CTNNA2: variants seen among roughly 807,000 people sequenced by gnomAD.
CTNNA2 encodes the protein catenin alpha 2, also known as catenin alpha-2.
In CTNNA2, 42 loss-of-function variants were observed where a neutral mutation model predicts 101.0. The ratio of observed to expected loss-of-function variants is 0.42; its 90% CI spans 0.32 to 0.54. The LOEUF is 0.54. Among genes scored for constraint, CTNNA2 ranks in the 20% least tolerant of loss-of-function variants. The probability of loss-of-function intolerance (pLI) is 0.14; values close to 1 mark genes in which losing one functional copy is unlikely to be tolerated. For missense variants in CTNNA2, 871 were observed against 1,223.1 expected (o/e 0.71, Z 4.29); for synonymous variants, 450 against 456.4 (o/e 0.99, Z 0.18).
intron 2 of CTNNA2, among the ~76,000 whole-genome samples, chr2:79,222,299 C>T (rs1225059335): frequency 2.0e-5 from 3 of 152,222 alleles, no homozygotes; most frequent in African/African-American, 7.2e-5. Flanking sequence ...AGATTTGGCA[C>T]ACAGGTGGCC....
intron 2 of CTNNA2, among the ~76,000 whole-genome samples, chr2:79,728,789 C>T (rs1009030889): frequency 2.0e-5 from 3 of 152,280 alleles, no homozygotes; most frequent in South Asian, 2.1e-4. Context: ...CAGCTTTCTC[C>T]ATATGGCTAG....
chr2:80,586,471 G>C (rs1276391408), intron 14 of CTNNA2: 2 of 152,152 alleles, frequency 1.3e-5, no homozygotes, highest in East Asian at 3.9e-4. Flanking sequence ...TGAGGTCTAA[G>C]TAAAGCATGA....
At chr2:79,422,619 C>T (rs1180242032) in intron 4 of CTNNA2, among the ~76,000 whole-genome samples, 1 of 152,110 alleles carries the variant, frequency 6.6e-6, no homozygotes, top group East Asian at 1.9e-4. Context: ...AAAGGGGGTA[C>T]CATTCCCAGA....
Position 79,758,547 on chromosome 2 carries a change from G to A in CTNNA2, c.298+13965G>A, listed in dbSNP as rs1182036728. 2.6e-5 allele frequency among the ~76,000 whole-genome samples: 4 copies of A among 152,170 alleles called. No homozygotes were observed. In the East Asian group the frequency reaches 5.8e-4, roughly 22 times the overall value. Reference sequence around the variant, plus strand: ...GGGATACAATTAACCCCGTCACCCAGGTAACTGAGCCTAGTACCCAAGTTA... The same window carrying A: ...GGGATACAATTAACCCCGTCACCCAAGTAACTGAGCCTAGTACCCAAGTTA... On this transcript the variant is annotated intron_variant, in intron 3 of 18. Coordinates refer to ENST00000402739, the MANE Select transcript of CTNNA2 (RefSeq NM_001282597.3).
rs763512604 is a variant in CTNNA2 at position 80,419,618 on chromosome 2, C to T, written c.1290+17C>T. ...CTGGTAGAGGTAAGTGTGGAGGGGC[C>T]TGAAGACTAGAGTTTACCGATGGGT... On this transcript the variant is annotated intron_variant, in intron 9 of 18. Transcript: ENST00000402739. 6.2e-7 allele frequency: 1 copy of T among 1,612,616 alleles called. No individual in the cohort carries two copies. Among genetic ancestry groups the T allele is most frequent in the African/African-American group, 1.3e-5 (1 of 74,840 alleles).
chr2:80,430,627 A>C (rs10201249), intron 9 of CTNNA2, among the ~76,000 whole-genome samples: 24,943 of 152,108 alleles, frequency 0.16, 2,890 homozygotes, highest in African/African-American at 0.33. Flanking sequence ...ATTGCTTAGT[A>C]TACTCTCCAA....
chr2:80,626,960 G>A (rs548983984), intron 18 of CTNNA2, among the ~76,000 whole-genome samples: 43 of 152,022 alleles, frequency 2.8e-4, no homozygotes, highest in Admixed American at 1.7e-3. Flanking sequence ...GAGAATGTGC[G>A]GTGTTTGGTT....
chr2:80,004,255 G>C (rs972679110), intron 7 of CTNNA2, among the ~76,000 whole-genome samples: 2 of 152,162 alleles, frequency 1.3e-5, no homozygotes, highest in African/African-American at 2.4e-5. Context: ...ATTCCTTGCA[G>C]ACTTTGTTGC....
chr2:80,378,879 C>T (rs896905516), intron 7 of CTNNA2: 1 of 152,194 alleles, frequency 6.6e-6, no homozygotes, highest in African/African-American at 2.4e-5. Context: ...CATCAGAAAG[C>T]ACTGATCTGT....
At chr2:80,353,112 G>C (rs932956519) in intron 7 of CTNNA2, among the ~76,000 whole-genome samples, 2 of 152,012 alleles carry the variant, frequency 1.3e-5, no homozygotes, top group Admixed American at 1.3e-4. Context: ...TCAGGTCCTA[G>C]AGCATCTTTA....
At chr2:79,227,623 T>C (rs1674437021) in intron 2 of CTNNA2, among the ~76,000 whole-genome samples, 1 of 152,182 alleles carries the variant, frequency 6.6e-6, no homozygotes, top group South Asian at 2.1e-4. Flanking sequence ...TAAAAGTTAA[T>C]GTTTACACTA....
At chr2:79,496,551 A>ATT (rs925357865) in intron 4 of CTNNA2, among the ~76,000 whole-genome samples, 1 of 150,268 alleles carries the variant, frequency 6.7e-6, no homozygotes, top group African/African-American at 2.4e-5. Flanking sequence ...AGCCAATATT[A>ATT]TTTTTTTTTG....
At chr2:79,271,144 A>G (rs2104300728) in intron 2 of CTNNA2, among the ~76,000 whole-genome samples, 2 of 152,016 alleles carry the variant, frequency 1.3e-5, no homozygotes, top group Middle Eastern at 6.8e-3. Flanking sequence ...TTTTCTGTGA[A>G]TAATAAATAT....
At chr2:79,885,350 A>C (rs1327275822) in intron 6 of CTNNA2, among the ~76,000 whole-genome samples, 1 of 152,106 alleles carries the variant, frequency 6.6e-6, no homozygotes, top group Non-Finnish European at 1.5e-5. Context: ...ATCAATTCTT[A>C]TTGTTCCTAG....
chr2:79,865,286 A>C (rs1250941470), intron 4 of CTNNA2, among the ~76,000 whole-genome samples: 1 of 152,230 alleles, frequency 6.6e-6, no homozygotes, highest in Non-Finnish European at 1.5e-5. Context: ...GCCATACCAG[A>C]GTATCTGATT....
At position 80,302,451 on chromosome 2, in the gene CTNNA2, G is replaced by A. The variant is rs1175041785; in HGVS notation, c.1057-90760G>A. On this transcript the variant is annotated intron_variant, in intron 7 of 18. Transcript: ENST00000402739. The surrounding 1 kb of genome is among the most constrained non-coding windows in gnomAD (Gnocchi z 6.4). ...ACAAAGCACTGTCTGAGCTGCCTGA[G>A]GCTGGCTGGGAAACACTTCCAGGAC... 1.9e-6 allele frequency: 3 copies of A among 1,614,196 alleles called. No homozygotes were observed. The highest frequency in any genetic ancestry group is 1.7e-6 in the Non-Finnish European group (2 of 1,180,056).
intron 1 of CTNNA2, among the ~76,000 whole-genome samples, chr2:79,581,444 G>A: frequency 6.6e-6 from 1 of 152,018 alleles, no homozygotes. Context: ...AGAATTGCTT[G>A]AACCCTGGAG....
chr2:79,224,717 G>A (rs571231862), intron 2 of CTNNA2, among the ~76,000 whole-genome samples: 2 of 151,732 alleles, frequency 1.3e-5, no homozygotes, highest in East Asian at 1.9e-4. Flanking sequence ...TCAACCCAAC[G>A]AGTCTCCTCA....
intron 4 of CTNNA2, among the ~76,000 whole-genome samples, chr2:79,390,841 C>T (rs1400034735): frequency 1.3e-5 from 2 of 152,154 alleles, no homozygotes; most frequent in African/African-American, 4.8e-5. Flanking sequence ...TCTTATTCTA[C>T]CTCTGTGCTC....
Sources: gnomAD v4.1 joint callset for allele counts (sites outside exome capture counted in the v4.1 genomes callset) on GRCh38, gnomAD v4.1.1 for gene constraint, Gnocchi (gnomAD v3.1) non-coding constraint, MANE v1.5 for transcripts, NCBI Gene and HGNC (gene_info 2026-07-23, HGNC 2026-07-21) for gene names.